The following SCIN variants were observed in gnomAD, a reference collection of about 807,000 sequenced individuals.
The protein encoded by SCIN is scinderin, also known as adseverin.
A neutral mutation model predicts 91.8 loss-of-function variants in SCIN; 91 were observed. The observed-to-expected ratio is 0.99, with a 90% CI of 0.84 to 1.18. The LOEUF is 1.18. SCIN is among the 50% of genes most tolerant of loss of function. SCIN has a pLI of 0.00. For synonymous variants in SCIN, 367 were observed against 312.6 expected (o/e 1.17, Z -1.84); for missense variants, 1,087 against 863.9 (o/e 1.26, Z -3.24).
chr7:12,573,685 G>C (rs1782313099), intron 1 of SCIN, among the ~76,000 whole-genome samples: 1 of 152,138 alleles, frequency 6.6e-6, no homozygotes, highest in Non-Finnish European at 1.5e-5. Flanking sequence ...AAATCAATGG[G>C]TAGGTCTAGA....
intron 9 of SCIN, among the ~76,000 whole-genome samples, chr7:12,633,159 G>A (rs1189576315): frequency 6.6e-6 from 1 of 152,132 alleles, no homozygotes; most frequent in Non-Finnish European, 1.5e-5. Context: ...AAGAGGCAGA[G>A]TTAAAGGTGA....
intron 3 of SCIN, among the ~76,000 whole-genome samples, chr7:12,586,738 T>C (rs1583279058): frequency 6.6e-6 from 1 of 152,088 alleles, no homozygotes; most frequent in Non-Finnish European, 1.5e-5. Context: ...GGAACAATAA[T>C]CAGCCATAAA....
intron 4 of SCIN, among the ~76,000 whole-genome samples, chr7:12,616,915 C>G (rs1160554325): frequency 6.6e-6 from 1 of 152,066 alleles, no homozygotes; most frequent in Non-Finnish European, 1.5e-5. Context: ...AGACTTTTCT[C>G]CAGGTTTTGC....
intron 4 of SCIN, among the ~76,000 whole-genome samples, chr7:12,617,018 G>A (rs954669532): frequency 4.6e-5 from 7 of 152,132 alleles, no homozygotes; most frequent in Non-Finnish European, 1.0e-4. Context: ...CATATAGACT[G>A]CTTTATAAAA....
At chr7:12,587,256 G>A (rs186575374) in intron 3 of SCIN, among the ~76,000 whole-genome samples, 1 of 152,166 alleles carries the variant, frequency 6.6e-6, no homozygotes, top group Non-Finnish European at 1.5e-5. Flanking sequence ...GGTGAATTTT[G>A]TTAGCCATTA....
Position 12,654,827 on chromosome 7 carries a change from G to A in SCIN, c.*2112G>A, listed in dbSNP as rs971562963. 11 of 152,296 alleles carry A rather than the reference G, an allele frequency of 7.2e-5. No individual in the cohort carries two copies. The highest frequency in any genetic ancestry group is 2.6e-4 in the African/African-American group (11 of 41,570). The allele number at this position is 152,296 out of a possible 1,614,324, so 9.4% of individuals were successfully genotyped here. On this transcript the variant is annotated 3_prime_UTR_variant, in exon 16 of 16. Coordinates refer to ENST00000297029, the MANE Select transcript of SCIN (RefSeq NM_001112706.3). ...ATGATAAGGCAGAATAAAAGTTGCT[G>A]AGAGCCTAAAATGATTATTCAGTTC...
chr7:12,589,802 A>G (rs972919076), intron 3 of SCIN, among the ~76,000 whole-genome samples: 3 of 152,096 alleles, frequency 2.0e-5, no homozygotes, highest in Non-Finnish European at 4.4e-5. Context: ...GTTGGGAGGT[A>G]TTCTCCTAGC....
At position 12,659,692 on chromosome 7, in the gene SCIN, G is replaced by C. The variant is rs1784227160; in HGVS notation, c.*6977G>C. ...GAGCCATATTTAGTGTCTTGAAAGA[G>C]CCACAGTGGCTGGCTAAAATGGCAC... On this transcript the variant is annotated 3_prime_UTR_variant, in exon 16 of 16. Transcript: ENST00000297029. The C allele has an allele frequency of 6.5e-6, 1 of 152,882 alleles. No individual in the cohort carries two copies. Among genetic ancestry groups the C allele is most frequent in the Non-Finnish European group, 1.5e-5 (1 of 68,512 alleles). 9.5% of individuals were successfully genotyped at this position (152,882 alleles called of 1,614,324 possible). A position where few individuals can be genotyped will look rare whatever the true frequency, so the allele number is the denominator to read the frequency against.
intron 3 of SCIN, among the ~76,000 whole-genome samples, chr7:12,598,681 C>T (rs1382425394): frequency 6.6e-6 from 1 of 152,028 alleles, no homozygotes; most frequent in Non-Finnish European, 1.5e-5. Flanking sequence ...TCGCTTGAAC[C>T]CAGGACATCG....
chr7:12,575,067 T>TG (rs1782341856), intron 1 of SCIN, among the ~76,000 whole-genome samples: 1 of 152,174 alleles, frequency 6.6e-6, no homozygotes. Flanking sequence ...TTAAACTATA[T>TG]GCCTGAGTAT....
chr7:12,628,620 A>G (rs1181266688), intron 8 of SCIN, among the ~76,000 whole-genome samples: 2 of 152,166 alleles, frequency 1.3e-5, no homozygotes, highest in African/African-American at 2.4e-5. Flanking sequence ...AGGGACTCAA[A>G]CATTCAGTGT....
chr7:12,628,098 G>A lies in SCIN; in HGVS notation c.1198-1003G>A, dbSNP rs1783568122. On this transcript the variant is annotated intron_variant, in intron 8 of 15. Transcript: ENST00000297029. Reference sequence around the variant, plus strand: ...GCATGTACACACACAGTGCCTGGCAGCCTCTCCTTCGTTTGTTACTCTCCT... The same window carrying A: ...GCATGTACACACACAGTGCCTGGCAACCTCTCCTTCGTTTGTTACTCTCCT... Among the ~76,000 whole-genome samples the A allele has an allele frequency of 2.6e-5, 4 of 151,542 alleles. 1 individual carries two copies. The South Asian group carries it at 8.3e-4, about 32-fold the overall frequency.
At chr7:12,589,080 GT>G (rs1782659465) in intron 3 of SCIN, 1 of 152,278 alleles carries the variant, frequency 6.6e-6, no homozygotes, top group Admixed American at 6.5e-5. Context: ...GTAAGGAGAT[GT>G]AAGAGACATG....
intron 13 of SCIN, among the ~76,000 whole-genome samples, chr7:12,647,855 G>T (rs562809741): frequency 1.3e-5 from 2 of 152,088 alleles, no homozygotes; most frequent in African/African-American, 2.4e-5. Context: ...TATGCTGGGC[G>T]CATGTTTTGA....
At chr7:12,571,110 A>G (rs1583266899) in intron 1 of SCIN, 125 bp downstream of exon 1, 1 of 1,094,574 alleles carries the variant, frequency 9.1e-7, no homozygotes, top group East Asian at 2.6e-5. Context: ...TCGCGCCCCC[A>G]CGGGGCTGCC....
At chr7:12,592,290 T>C (rs1396430277) in intron 3 of SCIN, among the ~76,000 whole-genome samples, 1 of 152,072 alleles carries the variant, frequency 6.6e-6, no homozygotes, top group Admixed American at 6.6e-5. Context: ...GCTTGACTGA[T>C]GGCTCGGAGG....
At chr7:12,589,742 G>A (rs1369766214) in intron 3 of SCIN, among the ~76,000 whole-genome samples, 1 of 152,182 alleles carries the variant, frequency 6.6e-6, no homozygotes. Context: ...TGGGGTTTTG[G>A]GAGGGCCTGG....
intron 12 of SCIN, 44 bp from the exon 13 acceptor site, chr7:12,644,540 A>G: frequency 6.2e-7 from 1 of 1,603,882 alleles, no homozygotes; most frequent in Non-Finnish European, 8.5e-7. Context: ...CAGCAAGCAT[A>G]TGTCCCTGAA....
rs1476333086 is a variant in SCIN, at chr7:12,570,922, T to C, written c.136T>C (p.Tyr46His). ...CGGCGACTTCTACGTCGGGGATGCCTACCTGGTGCTGCACACGGCCAAGAC... is the reference window on the plus strand; with the variant it reads ...CGGCGACTTCTACGTCGGGGATGCCCACCTGGTGCTGCACACGGCCAAGAC... ...AHGDFYVGDAYLVLHTAKTSR... is the reference protein window; with the variant it reads ...AHGDFYVGDAHLVLHTAKTSR... Residue 46 changes from tyrosine to histidine, a missense_variant, in exon 1 of 16, where the codon TAC (tyrosine) becomes CAC (histidine). Transcript: ENST00000297029. The C allele has an allele frequency of 1.3e-6, 2 of 1,551,482 alleles. No homozygotes were observed. The highest frequency in any genetic ancestry group is 1.2e-5 in the South Asian group (1 of 84,050).
Sources: allele counts gnomAD v4.1 joint callset (sites outside exome capture counted in the v4.1 genomes callset), GRCh38; gene constraint gnomAD v4.1.1; transcripts MANE v1.5; gene names NCBI Gene and HGNC (gene_info 2026-07-23, HGNC 2026-07-21).